Variants in WNT7B observed in about 807,000 individuals in gnomAD.
WNT7B encodes the protein Wnt family member 7B.
WNT7B carries 19 observed loss-of-function variants against 38.2 expected under a neutral mutation model. That is an observed-to-expected ratio of 0.50 (90% confidence interval 0.35 to 0.73). The LOEUF is 0.73. Among genes scored for constraint, WNT7B ranks in the 30% least tolerant of loss-of-function variants. WNT7B has a pLI of 0.01. For synonymous variants in WNT7B, 243 were observed against 209.3 expected (o/e 1.16, Z -1.39); for missense variants, 423 against 507.9 (o/e 0.83, Z 1.61).
At chr22:45,923,937 A>G (rs1931003531) in intron 3 of WNT7B, among the ~76,000 whole-genome samples, 1 of 152,172 alleles carries the variant, frequency 6.6e-6, no homozygotes, top group African/African-American at 2.4e-5. Context: ...TGAGAAGCCG[A>G]CAGCCCCGGC....
At chr22:45,929,903 T>C (rs1035451318) in intron 3 of WNT7B, among the ~76,000 whole-genome samples, 2 of 93,436 alleles carry the variant, frequency 2.1e-5, no homozygotes, top group Admixed American at 9.4e-5. Flanking sequence ...CACTCATCTA[T>C]CTACCCATCC....
chr22:45,976,191 A>G lies in WNT7B; in HGVS notation c.71+493T>C, dbSNP rs983743892. 6.9e-6 allele frequency among the ~76,000 whole-genome samples: 1 copy of G among 145,524 alleles called. No homozygotes were observed. The highest frequency in any genetic ancestry group is 2.5e-5 in the African/African-American group (1 of 40,540). On this transcript the variant is annotated intron_variant, in intron 1 of 3. Coordinates refer to ENST00000339464, the MANE Select transcript of WNT7B (RefSeq NM_058238.3). This position sits in a 1 kb window ranked among gnomAD's most constrained non-coding sequence, Gnocchi z 8.5. ...CACGTCTGGGTGATGGATAGAGACG[A>G]AGGGCCGCGGCGGGTGCCCCGGCCT...
chr22:45,938,418 C>T (rs1931564610), intron 2 of WNT7B, among the ~76,000 whole-genome samples: 1 of 152,036 alleles, frequency 6.6e-6, no homozygotes, highest in South Asian at 2.1e-4. Flanking sequence ...GGGTGGATCA[C>T]CTGAGGTCAG....
intron 1 of WNT7B, among the ~76,000 whole-genome samples, chr22:45,952,113 C>T (rs1428171696): frequency 6.6e-6 from 1 of 152,170 alleles, no homozygotes; most frequent in Non-Finnish European, 1.5e-5. Flanking sequence ...AGTGAGGGGG[C>T]AAGATGTGGG....
intron 2 of WNT7B, among the ~76,000 whole-genome samples, chr22:45,934,116 C>T (rs1403695035): frequency 6.6e-6 from 1 of 152,234 alleles, no homozygotes; most frequent in Non-Finnish European, 1.5e-5. Flanking sequence ...AACCATGATT[C>T]CCGGTTTACA....
Position 45,922,691 on chromosome 22 carries a change from G to A in WNT7B, c.*165C>T. On this transcript the variant is annotated 3_prime_UTR_variant, in exon 4 of 4. Coordinates refer to ENST00000339464, the MANE Select transcript of WNT7B (RefSeq NM_058238.3). ...GGCAGGAAGGAGCCCCAGGGAGGCG[G>A]GCAGAGGGCGTGGGCCCCGGCCGGT... 1 of 1,152,850 alleles carries A rather than the reference G, an allele frequency of 8.7e-7. No homozygotes were observed. The highest frequency in any genetic ancestry group is 1.2e-6 in the Non-Finnish European group (1 of 841,616). The allele number at this position is 1,152,850 out of a possible 1,614,324, so 71.4% of individuals were successfully genotyped here.
chr22:45,964,149 T>C (rs1452638982), intron 1 of WNT7B, among the ~76,000 whole-genome samples: 1 of 152,048 alleles, frequency 6.6e-6, no homozygotes, highest in African/African-American at 2.4e-5. Context: ...CTGTGTACTC[T>C]GGACTACTGC....
chr22:45,946,684 A>T (rs967238879), intron 2 of WNT7B, among the ~76,000 whole-genome samples: 2 of 142,940 alleles, frequency 1.4e-5, no homozygotes. Context: ...TGAGGCGAGC[A>T]GAGCAACTGG....
At chr22:45,931,821 T>C (rs1465942570) in intron 2 of WNT7B, among the ~76,000 whole-genome samples, 1 of 151,952 alleles carries the variant, frequency 6.6e-6, no homozygotes, top group East Asian at 1.9e-4. Context: ...TGAACGGGCA[T>C]TTGCACTGAC....
chr22:45,933,155 G>T (rs1931420485), intron 2 of WNT7B, among the ~76,000 whole-genome samples: 1 of 152,154 alleles, frequency 6.6e-6, no homozygotes, highest in Non-Finnish European at 1.5e-5. Context: ...GACCTTGGTA[G>T]GCTGTCTGTC....
At chr22:45,954,315 G>GA (rs1168333589) in intron 1 of WNT7B, among the ~76,000 whole-genome samples, 1 of 152,198 alleles carries the variant, frequency 6.6e-6, no homozygotes, top group African/African-American at 2.4e-5. Context: ...TGGGGTGATG[G>GA]AAAGTTCTGG....
intron 1 of WNT7B, among the ~76,000 whole-genome samples, chr22:45,969,200 G>A (rs1429337229): frequency 6.6e-6 from 1 of 152,220 alleles, no homozygotes. Flanking sequence ...GCCGTGGTAA[G>A]TGCCCCCCCA....
At chr22:45,962,965 C>G (rs918295716) in intron 1 of WNT7B, among the ~76,000 whole-genome samples, 2 of 152,214 alleles carry the variant, frequency 1.3e-5, no homozygotes, top group African/African-American at 4.8e-5. Context: ...AGCGCCTCGG[C>G]CTTCCTGGCT....
intron 2 of WNT7B, among the ~76,000 whole-genome samples, chr22:45,946,570 C>G (rs1052683321): frequency 2.6e-5 from 4 of 152,216 alleles, no homozygotes; most frequent in African/African-American, 9.6e-5. Flanking sequence ...AGAGACAAGC[C>G]TCTCTCGACA....
Position 45,929,980 on chromosome 22 carries a change from C to CAATAACTTAATAACCACCTGCAAAT in WNT7B, c.570+1117_570+1118insATTTGCAGGTGGTTATTAAGTTATT, listed in dbSNP as rs562961136. ...CTCATACATCTATCCATCCATCCAA[C>CAATAACTTAATAACCACCTGCAAAT]AATAACTTAATAACCACCTGCATGA... On this transcript the variant is annotated intron_variant, in intron 3 of 3. Transcript: ENST00000339464. 5.0e-3 allele frequency among the ~76,000 whole-genome samples: 759 copies of CAATAACTTAATAACCACCTGCAAAT among 152,258 alleles called. 5 individuals are homozygous for CAATAACTTAATAACCACCTGCAAAT. The highest frequency in any genetic ancestry group is 0.017 in the African/African-American group (719 of 41,520).
At position 45,927,713 on chromosome 22, in the gene WNT7B, T is replaced by C. The variant is rs901144912; in HGVS notation, c.570+3385A>G. ...GGGTTCAAGACCAGCCTGGGCAACA[T>C]GGTGAAGCCCCATCTCTACTAACAA... On this transcript the variant is annotated intron_variant, in intron 3 of 3. Coordinates refer to ENST00000339464, the MANE Select transcript of WNT7B (RefSeq NM_058238.3). The C allele has an allele frequency of 2.1e-4, 143 of 675,980 alleles. 4 individuals carry two copies. The South Asian group carries it at 2.2e-3, about 10-fold the overall frequency. The allele number at this position is 675,980 out of a possible 1,614,324, so 41.9% of individuals were successfully genotyped here.
At chr22:45,925,993 T>G in intron 3 of WNT7B, 3 of 985,194 alleles carry the variant, frequency 3.0e-6, no homozygotes, top group Non-Finnish European at 3.6e-6. Flanking sequence ...TGTCCCTGTC[T>G]CCCGGTCTTC....
At chr22:45,958,347 G>A (rs1932119453) in intron 1 of WNT7B, among the ~76,000 whole-genome samples, 1 of 152,210 alleles carries the variant, frequency 6.6e-6, no homozygotes, top group African/African-American at 2.4e-5. Context: ...CAGGGAGTGG[G>A]CAGCATCTCA....
At chr22:45,971,503 C>T (rs529126176) in intron 1 of WNT7B, among the ~76,000 whole-genome samples, 16 of 152,320 alleles carry the variant, frequency 1.1e-4, no homozygotes, top group African/African-American at 3.6e-4. Flanking sequence ...CGCGCGCCCA[C>T]GCTCCGCGCT....
Sources: gnomAD v4.1 joint callset for allele counts (sites outside exome capture counted in the v4.1 genomes callset) on GRCh38, gnomAD v4.1.1 for gene constraint, Gnocchi (gnomAD v3.1) non-coding constraint, MANE v1.5 for transcripts, NCBI Gene and HGNC (gene_info 2026-07-23, HGNC 2026-07-21) for gene names.